Variants in SLX4IP observed in about 807,000 individuals in gnomAD.
The protein encoded by SLX4IP is protein SLX4IP.
Under a neutral mutation model 32.9 loss-of-function variants are expected in SLX4IP, and 34 were observed. That is an observed-to-expected ratio of 1.03 (90% confidence interval 0.79 to 1.38). The LOEUF is 1.38. SLX4IP is among the 40% of genes most tolerant of loss of function. SLX4IP has a pLI of 0.00. For synonymous variants in SLX4IP, 172 were observed against 171.7 expected (o/e 1.00, Z -0.01); for missense variants, 444 against 479.0 (o/e 0.93, Z 0.68).
intron 2 of SLX4IP, among the ~76,000 whole-genome samples, chr20:10,461,043 C>G (rs2065333166): frequency 6.6e-6 from 1 of 152,214 alleles, no homozygotes. Flanking sequence ...CTAATTCTCT[C>G]TGTTCTCTTC....
At chr20:10,518,443 CT>C (rs56233991) in intron 2 of SLX4IP, among the ~76,000 whole-genome samples, 3 of 79,458 alleles carry the variant, frequency 3.8e-5, no homozygotes, top group Non-Finnish European at 5.7e-5. Context: ...CTCCTTCTTC[CT>C]TCCTTCCTTC....
chr20:10,567,497 G>A (rs687891), intron 4 of SLX4IP, among the ~76,000 whole-genome samples: 47,674 of 151,950 alleles, frequency 0.31, 8,644 homozygotes, highest in South Asian at 0.48. Context: ...TCAGACTCTC[G>A]CCAGACCTGC....
intron 2 of SLX4IP, among the ~76,000 whole-genome samples, chr20:10,528,660 T>G (rs1170303561): frequency 6.6e-6 from 1 of 152,214 alleles, no homozygotes; most frequent in African/African-American, 2.4e-5. Flanking sequence ...TGTCTCCTTA[T>G]GTACCAGGCC....
chr20:10,438,409 C>T (rs955929180), intron 1 of SLX4IP, among the ~76,000 whole-genome samples: 1 of 151,274 alleles, frequency 6.6e-6, no homozygotes, highest in Non-Finnish European at 1.5e-5. Context: ...AGCCACTCCT[C>T]TTCCAGGAAA....
In SLX4IP at chr20:10,452,622, C is replaced by A. The variant is rs1023561642; in HGVS notation, c.-29-5554C>A. Reference sequence around the variant, plus strand: ...CAGAGGTTGCAGTGAGCTGAGATCACGCTATTGCACTCCAGCCTGGGCAAC... The same window carrying A: ...CAGAGGTTGCAGTGAGCTGAGATCAAGCTATTGCACTCCAGCCTGGGCAAC... On this transcript the variant is annotated intron_variant, in intron 1 of 7. Transcript: ENST00000334534. Among the ~76,000 whole-genome samples, 9 of 146,788 alleles carry A rather than the reference C, an allele frequency of 6.1e-5. No individual in the cohort carries two copies. The South Asian group carries it at 1.9e-3, about 31-fold the overall frequency.
chr20:10,560,338 G>A (rs530341806), intron 3 of SLX4IP, among the ~76,000 whole-genome samples: 2 of 152,150 alleles, frequency 1.3e-5, no homozygotes, highest in Non-Finnish European at 2.9e-5. Flanking sequence ...TCTTCTATTT[G>A]TCACAGTACA....
chr20:10,535,708 G>A (rs1600974679), intron 2 of SLX4IP, among the ~76,000 whole-genome samples: 1 of 152,314 alleles, frequency 6.6e-6, no homozygotes, highest in East Asian at 1.9e-4. Context: ...CAAACCAGGA[G>A]AGAATAATGG....
At chr20:10,468,863 C>CTTTTA (rs2065401170) in intron 2 of SLX4IP, among the ~76,000 whole-genome samples, 1 of 151,984 alleles carries the variant, frequency 6.6e-6, no homozygotes, top group Non-Finnish European at 1.5e-5. Flanking sequence ...TACATTATGC[C>CTTTTA]TAGCCACATT....
At chr20:10,573,243 C>G (rs1192849043) in intron 4 of SLX4IP, among the ~76,000 whole-genome samples, 1 of 152,062 alleles carries the variant, frequency 6.6e-6, no homozygotes, top group Non-Finnish European at 1.5e-5. Context: ...AATACTTTTT[C>G]CCTTTTGAGA....
chr20:10,451,529 A>C (rs879510781), intron 1 of SLX4IP, among the ~76,000 whole-genome samples: 1 of 152,212 alleles, frequency 6.6e-6, no homozygotes, highest in Non-Finnish European at 1.5e-5. Context: ...ACAAGTGTCT[A>C]TTGAGCACCT....
chr20:10,537,763 C>T (rs934100085), intron 2 of SLX4IP, among the ~76,000 whole-genome samples: 1 of 152,062 alleles, frequency 6.6e-6, no homozygotes, highest in African/African-American at 2.4e-5. Flanking sequence ...ATGCAAATTA[C>T]CCAAAATAAA....
At chr20:10,437,586 G>A (rs566768377) in intron 1 of SLX4IP, among the ~76,000 whole-genome samples, 1 of 152,286 alleles carries the variant, frequency 6.6e-6, no homozygotes, top group African/African-American at 2.4e-5. Flanking sequence ...CCAGTAACTG[G>A]TCAACTTGCC....
intron 4 of SLX4IP, among the ~76,000 whole-genome samples, chr20:10,576,350 C>T (rs1458104980): frequency 6.6e-6 from 1 of 152,050 alleles, no homozygotes; most frequent in African/African-American, 2.4e-5. Context: ...TGGGCTGTTC[C>T]CAGGGAGTTG....
intron 2 of SLX4IP, among the ~76,000 whole-genome samples, chr20:10,534,243 G>A (rs982091731): frequency 6.6e-6 from 1 of 152,150 alleles, no homozygotes. Context: ...TTGGCCCTGA[G>A]TCGGGGAGTG....
rs549929849 is a variant in SLX4IP, at chr20:10,625,358, G to A, written c.*1979G>A. On this transcript the variant is annotated 3_prime_UTR_variant, in exon 8 of 8. Coordinates refer to ENST00000334534, the MANE Select transcript of SLX4IP (RefSeq NM_001009608.3). ...AGAAGCAGCTCTCTGGAAGAGTCTG[G>A]AATTAAAAAGACGGCTGTACTAGAA... The A allele has an allele frequency of 6.6e-6, 1 of 152,322 alleles. No individual in the cohort carries two copies. The highest frequency in any genetic ancestry group is 2.4e-5 in the African/African-American group (1 of 41,570). 9.4% of individuals were successfully genotyped at this position (152,322 alleles called of 1,614,324 possible). A position where few individuals can be genotyped will look rare whatever the true frequency, so the allele number is the denominator to read the frequency against.
intron 2 of SLX4IP, among the ~76,000 whole-genome samples, chr20:10,526,745 A>T (rs2065943198): frequency 6.6e-6 from 1 of 152,070 alleles, no homozygotes; most frequent in Admixed American, 6.5e-5. Flanking sequence ...GAACTCAGGA[A>T]TTTGAGACCA....
At chr20:10,557,498 A>G (rs1041624919) in intron 3 of SLX4IP, among the ~76,000 whole-genome samples, 3 of 152,178 alleles carry the variant, frequency 2.0e-5, no homozygotes, top group Non-Finnish European at 4.4e-5. Context: ...TCCTACTGCC[A>G]CTTACCTTCA....
intron 5 of SLX4IP, 137 bp downstream of exon 5, chr20:10,598,889 C>G (rs2066807488): frequency 1.2e-6 from 1 of 815,036 alleles, no homozygotes; most frequent in South Asian, 1.5e-5. Context: ...CGAAAGTTTG[C>G]GATTTCTTTC....
At chr20:10,441,724 TG>T in intron 1 of SLX4IP, among the ~76,000 whole-genome samples, 1 of 112,058 alleles carries the variant, frequency 8.9e-6, no homozygotes, top group Non-Finnish European at 2.3e-5. Context: ...CTGACGTGTT[TG>T]TTTTTGTTTT....
Sources: allele counts gnomAD v4.1 joint callset (sites outside exome capture counted in the v4.1 genomes callset), GRCh38; gene constraint gnomAD v4.1.1; transcripts MANE v1.5; gene names NCBI Gene and HGNC (gene_info 2026-07-23, HGNC 2026-07-21).